Variants in RALGPS2 observed in about 807,000 individuals in gnomAD.
The protein encoded by RALGPS2 is Ral GEF with PH domain and SH3 binding motif 2, also known as ras-specific guanine nucleotide-releasing factor RalGPS2.
RALGPS2 carries 43 observed loss-of-function variants against 86.8 expected under a neutral mutation model. That is an observed-to-expected ratio of 0.50 (90% CI 0.39 to 0.64). The LOEUF is 0.64. Among genes scored for constraint, RALGPS2 ranks in the 30% least tolerant of loss-of-function variants. The pLI is 0.00. For missense variants in RALGPS2, 536 were observed against 694.6 expected (o/e 0.77, Z 2.57); for synonymous variants, 243 against 231.3 (o/e 1.05, Z -0.46).
chr1:178,805,649 A>T (rs1654706012), intron 4 of RALGPS2, among the ~76,000 whole-genome samples: 1 of 152,024 alleles, frequency 6.6e-6, no homozygotes. Flanking sequence ...CTAAATCCTT[A>T]CTTTTCCTTG....
At chr1:178,752,162 G>T (rs1022542001) in intron 1 of RALGPS2, among the ~76,000 whole-genome samples, 2 of 149,768 alleles carry the variant, frequency 1.3e-5, no homozygotes, top group African/African-American at 4.9e-5. Context: ...CTGAGACAGG[G>T]TGTCACTCTG....
intron 3 of RALGPS2, 145 bp downstream of exon 3, chr1:178,784,667 AG>A (rs1653560213): frequency 3.6e-6 from 2 of 557,670 alleles, no homozygotes; most frequent in East Asian, 6.0e-5. Context: ...ACAGCTGTGG[AG>A]CAAACAGAGG....
intron 8 of RALGPS2, among the ~76,000 whole-genome samples, chr1:178,840,072 G>A (rs950008274): frequency 1.3e-5 from 2 of 152,138 alleles, no homozygotes; most frequent in African/African-American, 4.8e-5. Flanking sequence ...ACACCCCACT[G>A]TCAACATTAG....
At chr1:178,817,345 TAAAAAAAAA>T (rs142692953) in intron 6 of RALGPS2, among the ~76,000 whole-genome samples, 53 of 98,054 alleles carry the variant, frequency 5.4e-4, no homozygotes, top group African/African-American at 2.0e-3. Context: ...TGTCTCAATT[TAAAAAAAAA>T]AAAAAAAAAA....
intron 13 of RALGPS2, 23 bp downstream of exon 13, chr1:178,886,143 G>T: frequency 6.3e-7 from 1 of 1,594,594 alleles, no homozygotes; most frequent in Non-Finnish European, 8.5e-7. Context: ...TCTCTGAGAG[G>T]GTTGCAATTT....
intron 8 of RALGPS2, among the ~76,000 whole-genome samples, chr1:178,866,467 A>C (rs1389876719): frequency 2.0e-5 from 3 of 152,156 alleles, no homozygotes; most frequent in Admixed American, 6.6e-5. Context: ...GAATGCTCAC[A>C]GTCATTGTGG....
intron 6 of RALGPS2, among the ~76,000 whole-genome samples, chr1:178,811,827 A>G (rs182755826): frequency 4.1e-4 from 62 of 152,324 alleles, no homozygotes; most frequent in African/African-American, 1.4e-3. Flanking sequence ...TATATGTGAT[A>G]TTACCACATT....
Position 178,877,479 on chromosome 1 carries a change from T to A in RALGPS2, c.608-19T>A. The A allele has an allele frequency of 6.2e-7, 1 of 1,611,382 alleles. No individual in the cohort carries two copies. The highest frequency in any genetic ancestry group is 1.1e-5 in the South Asian group (1 of 90,816). ...AACCTACAACTAAGAAAACGTTCAT[T>A]TATCTAATTGTATTTCAGGTATCTA... On this transcript the variant is annotated intron_variant, in intron 8 of 19. Transcript: ENST00000367635.
Position 178,918,750 on chromosome 1 carries a change from C to T in RALGPS2, c.*2391C>T, listed in dbSNP as rs1442896948. Reference sequence around the variant, plus strand: ...TTTAGCATTTGAAGCAAATTGAAAACAGAAAAGTGACTTAAAATAGTGTAG... The same window carrying T: ...TTTAGCATTTGAAGCAAATTGAAAATAGAAAAGTGACTTAAAATAGTGTAG... On this transcript the variant is annotated 3_prime_UTR_variant, in exon 20 of 20. Coordinates refer to ENST00000367635, the MANE Select transcript of RALGPS2 (RefSeq NM_152663.5). 6.6e-6 allele frequency: 1 copy of T among 151,938 alleles called. No homozygotes were observed. The allele number at this position is 151,938 out of a possible 1,614,324, so 9.4% of individuals were successfully genotyped here. A position where few individuals can be genotyped will look rare whatever the true frequency, so the allele number is the denominator to read the frequency against.
At chr1:178,862,588 A>T (rs1423726247) in intron 8 of RALGPS2, among the ~76,000 whole-genome samples, 2 of 131,298 alleles carry the variant, frequency 1.5e-5, no homozygotes, top group Non-Finnish European at 3.2e-5. Flanking sequence ...GAGGAGTTGC[A>T]TTTTTTTTAT....
intron 6 of RALGPS2, among the ~76,000 whole-genome samples, chr1:178,817,658 CCTG>C (rs1283541026): frequency 9.9e-5 from 15 of 152,054 alleles, no homozygotes; most frequent in Non-Finnish European, 1.3e-4. Flanking sequence ...TACAACATGG[CCTG>C]CTTCCATTTT....
chr1:178,753,144 A>G (rs1651773278), intron 1 of RALGPS2, among the ~76,000 whole-genome samples: 1 of 152,236 alleles, frequency 6.6e-6, no homozygotes, highest in Non-Finnish European at 1.5e-5. Flanking sequence ...TGGACTTGGC[A>G]AGATCACATG....
chr1:178,891,384 C>T (rs970935677), intron 14 of RALGPS2, among the ~76,000 whole-genome samples: 1 of 152,078 alleles, frequency 6.6e-6, no homozygotes, highest in Middle Eastern at 3.2e-3. Context: ...TGAATGTTGA[C>T]ATACCATTTT....
chr1:178,752,811 CTG>C (rs1258089501), intron 1 of RALGPS2, among the ~76,000 whole-genome samples: 2 of 152,172 alleles, frequency 1.3e-5, no homozygotes, highest in Non-Finnish European at 2.9e-5. Context: ...TACCAAGGGT[CTG>C]TTGTAGGGGA....
chr1:178,749,622 G>C (rs929472312), intron 1 of RALGPS2, among the ~76,000 whole-genome samples: 2 of 152,152 alleles, frequency 1.3e-5, no homozygotes, highest in South Asian at 4.1e-4. Context: ...TTTTCTAAAC[G>C]GAGTAACACT....
chr1:178,850,850 T>G, intron 8 of RALGPS2: 1 of 264,342 alleles, frequency 3.8e-6, no homozygotes, highest in African/African-American at 2.2e-5. Flanking sequence ...AAGATTTGCT[T>G]TACATTGTGG....
At chr1:178,837,456 G>T (rs1656335029) in intron 8 of RALGPS2, among the ~76,000 whole-genome samples, 1 of 152,128 alleles carries the variant, frequency 6.6e-6, no homozygotes, top group Admixed American at 6.5e-5. Context: ...GTGTTTTAAT[G>T]CATTTCTGTT....
At chr1:178,865,415 T>C in intron 8 of RALGPS2, 1 of 1,614,064 alleles carries the variant, frequency 6.2e-7, no homozygotes, top group Non-Finnish European at 8.5e-7. Flanking sequence ...ACGGCTTTCC[T>C]TTCTCAGCAG....
chr1:178,856,332 A>ATCCTCCC (rs1657567880), intron 8 of RALGPS2, among the ~76,000 whole-genome samples: 1 of 138,342 alleles, frequency 7.2e-6, no homozygotes, highest in African/African-American at 2.7e-5. Context: ...GGCTCAAGTG[A>ATCCTCCC]TCCTCCCACC....
Sources: gnomAD v4.1 joint callset for allele counts (sites outside exome capture counted in the v4.1 genomes callset) on GRCh38, gnomAD v4.1.1 for gene constraint, MANE v1.5 for transcripts, NCBI Gene and HGNC (gene_info 2026-07-23, HGNC 2026-07-21) for gene names.